Variants in SPC25 observed in about 807,000 individuals in gnomAD.
The protein encoded by SPC25 is SPC25 component of NDC80 kinetochore complex, also known as kinetochore protein Spc25.
In SPC25, 22 loss-of-function variants were observed where a neutral mutation model predicts 29.6. The observed-to-expected ratio is 0.74, with a 90% CI of 0.53 to 1.06. SPC25 has a LOEUF of 1.06. Among genes scored for constraint, SPC25 ranks in the 50% least tolerant of loss-of-function variants. SPC25 has a pLI of 0.00. For missense variants in SPC25, 230 were observed against 255.8 expected, an observed-to-expected ratio of 0.90 and a Z score of 0.69; for synonymous variants, 91 against 90.4, an observed-to-expected ratio of 1.01 and a Z score of -0.04.
chr2:168,870,194 AC>A (rs1416151758), downstream of SPC25, among the ~76,000 whole-genome samples: 8 of 151,620 alleles, frequency 5.3e-5, no homozygotes, highest in African/African-American at 1.7e-4. Context: ...TACACCTTAT[AC>A]AAAAATTAAT....
chr2:168,865,325 C>A (rs1030706204), intron 4 of SPC25: 7 of 184,116 alleles, frequency 3.8e-5, no homozygotes, highest in Non-Finnish European at 8.0e-5. Flanking sequence ...AGCAGTGGGA[C>A]TTAGATGTCT....
At chr2:168,884,485 A>G (rs1218660428) in intron 3 of SPC25, among the ~76,000 whole-genome samples, 7 of 152,242 alleles carry the variant, frequency 4.6e-5, no homozygotes, top group Non-Finnish European at 4.4e-5. Flanking sequence ...CCTGGTATAC[A>G]GCAGTAGCTC....
At chr2:168,875,686 G>A (rs947458945) in intron 5 of SPC25, among the ~76,000 whole-genome samples, 18 of 151,968 alleles carry the variant, frequency 1.2e-4, no homozygotes, top group African/African-American at 4.3e-4. Context: ...GTTGGTAGAA[G>A]CAAAATATGT....
chr2:168,877,503 A>AT (rs1366988534), intron 3 of SPC25, 119 bp from the exon 4 acceptor site: 13 of 1,115,496 alleles, frequency 1.2e-5, no homozygotes, highest in Non-Finnish European at 1.6e-5. Context: ...ACTGATAAGC[A>AT]TTTTCTAATG....
rs960402750 is a variant in SPC25, at chr2:168,890,394, G to A, written c.-91C>T. 7 of 985,382 alleles carry A rather than the reference G, an allele frequency of 7.1e-6. No individual in the cohort carries two copies. Among genetic ancestry groups the A allele is most frequent in the Non-Finnish European group, 8.4e-6 (7 of 830,012 alleles). The allele number at this position is 985,382 out of a possible 1,614,324, so 61.0% of individuals were successfully genotyped here. A position where few individuals can be genotyped will look rare whatever the true frequency, so the allele number is the denominator to read the frequency against. ...CACTCTAGCCAACAGCCGGACTCTA[G>A]GCTCAGCTCCCGCAGCCCCGCCAAC... On this transcript the variant is annotated 5_prime_UTR_variant, in exon 1 of 7. Transcript: ENST00000282074.
At chr2:168,862,352 A>C (rs1353899938) in intron 4 of SPC25, among the ~76,000 whole-genome samples, 2 of 152,212 alleles carry the variant, frequency 1.3e-5, no homozygotes, top group Non-Finnish European at 2.9e-5. Context: ...CAGGAAGGTT[A>C]GGTGCTTTGG....
At chr2:168,867,455 G>C (rs1253881456), downstream of SPC25, among the ~76,000 whole-genome samples, 6 of 152,228 alleles carry the variant, frequency 3.9e-5, no homozygotes, top group Non-Finnish European at 7.3e-5. Flanking sequence ...TGGATAAAGA[G>C]TCAAGACCCA....
intron 4 of SPC25, among the ~76,000 whole-genome samples, chr2:168,864,167 C>T (rs140856417): frequency 6.6e-6 from 1 of 152,166 alleles, no homozygotes; most frequent in East Asian, 1.9e-4. Context: ...GGGGTTTCAC[C>T]ATGTTGGCCA....
At chr2:168,889,053 A>ATG (rs1690340189) in intron 3 of SPC25, among the ~76,000 whole-genome samples, 173 bp downstream of exon 3, 1 of 101,940 alleles carries the variant, frequency 9.8e-6, no homozygotes, top group East Asian at 4.2e-4. Flanking sequence ...ATACACATAT[A>ATG]TATACATATA....
chr2:168,864,973 C>G, intron 4 of SPC25: 1 of 1,613,918 alleles, frequency 6.2e-7, no homozygotes, highest in South Asian at 1.1e-5. Context: ...AGGCATAAAA[C>G]AAGACTCTGA....
At position 168,889,431 on chromosome 2, in the gene SPC25, G is replaced by C. The variant is rs539474748; in HGVS notation, c.89C>G (p.Ala30Gly). Residue 30 changes from alanine (A) to glycine (G), a missense_variant, in exon 2 of 7, where the codon GCG (alanine) becomes GGG (glycine). Coordinates refer to ENST00000282074, the MANE Select transcript of SPC25 (RefSeq NM_020675.4). ...ATCCTTGTAGGTATCTCTTAGTCCC[G>C]CCATCTGACAGGAGGTGTCCGTACT... The part of the protein sequence containing the change: ...FKSTDTSCQM[A>G]GLRDTYKDSI... 13 of 1,614,044 alleles carry C rather than the reference G, an allele frequency of 8.1e-6. 1 individual carries two copies. The South Asian group carries it at 1.3e-4, about 16-fold the overall frequency.
chr2:168,879,669 A>G (rs1169249933), intron 3 of SPC25, among the ~76,000 whole-genome samples: 5 of 152,214 alleles, frequency 3.3e-5, no homozygotes, highest in Admixed American at 2.6e-4. Flanking sequence ...CGAATGTTCT[A>G]TGGCATCTAG....
intron 3 of SPC25, among the ~76,000 whole-genome samples, chr2:168,887,429 A>G (rs1429475442): frequency 2.0e-5 from 3 of 150,516 alleles, no homozygotes; most frequent in Non-Finnish European, 4.4e-5. Flanking sequence ...CTCAAAAAAA[A>G]AAAAAGAAAG....
downstream of SPC25, among the ~76,000 whole-genome samples, chr2:168,870,267 T>G (rs935292999): frequency 6.6e-6 from 1 of 151,662 alleles, no homozygotes; most frequent in Non-Finnish European, 1.5e-5. Context: ...GAAGAAAACC[T>G]AGGCAATACC....
At chr2:168,864,735 G>A (rs1689746076) in intron 4 of SPC25, 5 of 1,401,948 alleles carry the variant, frequency 3.6e-6, no homozygotes, top group Non-Finnish European at 4.9e-6. Context: ...ACACTACCAA[G>A]TAAATCCTTG....
chr2:168,888,504 A>G (rs951319050), intron 3 of SPC25, among the ~76,000 whole-genome samples: 2 of 151,182 alleles, frequency 1.3e-5, no homozygotes, highest in Admixed American at 6.6e-5. Context: ...GCAGTGAGCC[A>G]AGATCGCGCC....
chr2:168,862,158 C>G (rs1321343309), intron 4 of SPC25: 4 of 888,612 alleles, frequency 4.5e-6, no homozygotes, highest in Non-Finnish European at 7.2e-6. Flanking sequence ...CATGTCAAAT[C>G]AGTTCACCCT....
At chr2:168,866,651 T>C (rs1255577770), downstream of SPC25, among the ~76,000 whole-genome samples, 1 of 152,116 alleles carries the variant, frequency 6.6e-6, no homozygotes, top group African/African-American at 2.4e-5. Context: ...CTAAAGAGCT[T>C]CTGCACAGCA....
chr2:168,866,975 C>A (rs1019111156), downstream of SPC25, among the ~76,000 whole-genome samples: 12 of 152,006 alleles, frequency 7.9e-5, no homozygotes, highest in Non-Finnish European at 1.6e-4. Flanking sequence ...AGGAAACAAC[C>A]CAGGTGCTGG....
Sources: gnomAD v4.1 joint callset for allele counts (sites outside exome capture counted in the v4.1 genomes callset) on GRCh38, gnomAD v4.1.1 for gene constraint, MANE v1.5 for transcripts, NCBI Gene and HGNC (gene_info 2026-07-23, HGNC 2026-07-21) for gene names.